Variants in SELP observed in about 807,000 individuals in gnomAD.
The protein encoded by SELP is P-selectin.
SELP carries 92 observed loss-of-function variants against 104.1 expected under a neutral mutation model. The ratio of observed to expected loss-of-function variants is 0.88; its 90% confidence interval spans 0.75 to 1.05. SELP has a LOEUF of 1.05. SELP is among the 50% of genes least tolerant of loss of function. The pLI is 0.00. For missense variants in SELP, 1,022 were observed against 1,017.3 expected (o/e 1.00, Z -0.06); for synonymous variants, 397 against 364.5 (o/e 1.09, Z -1.01).
intron 14 of SELP, 71 bp downstream of exon 14, chr1:169,593,534 C>A: frequency 6.9e-7 from 1 of 1,454,808 alleles, no homozygotes; most frequent in South Asian, 1.2e-5. Context: ...CCTCCCCACC[C>A]TAAATTACAT....
rs762216780 is a variant in SELP at position 169,590,190 on chromosome 1, T to G, written c.2451A>C (p.Thr817=). 84 of 1,612,882 alleles carry G rather than the reference T, an allele frequency of 5.2e-5. No individual in the cohort carries two copies. The South Asian group carries it at 8.6e-4, about 16-fold the overall frequency. The change falls in exon 16 of 17, where the codon ACA becomes ACC. Residue 817 remains threonine (T), a synonymous_variant. Coordinates refer to ENST00000263686, the MANE Select transcript of SELP (RefSeq NM_003005.4). ...ATGCAGCGTTTGTAAAAACTCCATA[T>G]GTTCCTAGGTGGCTAAAGAACAGAA... ...CPLNPHSHLG[T]YGVFTNAAFD... is the part of the protein sequence containing the mutation.
Position 169,603,287 on chromosome 1 carries a change from CTCTT to C in SELP, c.1520-80_1520-77del, listed in dbSNP as rs1206791836. 2.5e-4 allele frequency: 315 copies of C among 1,258,082 alleles called. 1 individual carries two copies. The African/African-American group carries it at 3.9e-3, about 16-fold the overall frequency. The allele number at this position is 1,258,082 out of a possible 1,614,324, so 77.9% of individuals were successfully genotyped here. A position where few individuals can be genotyped will look rare whatever the true frequency, so the allele number is the denominator to read the frequency against. On this transcript the variant is annotated intron_variant, in intron 9 of 16. Transcript: ENST00000263686. ...CAACCTGAACTCTGTAACTCTCTCT[CTCTT>C]TCTCCCTCTCTCTCTCTGTGTGTGT...
intron 10 of SELP, among the ~76,000 whole-genome samples, chr1:169,601,190 T>G (rs1661893681): frequency 6.6e-6 from 1 of 152,138 alleles, no homozygotes; most frequent in African/African-American, 2.4e-5. Context: ...AATGAATGAG[T>G]GAAAAACCAC....
At chr1:169,617,508 C>A in intron 2 of SELP, 94 bp from the exon 3 acceptor site, 1 of 1,291,332 alleles carries the variant, frequency 7.7e-7, no homozygotes, top group South Asian at 1.4e-5. Context: ...GATGAATTTC[C>A]GACCAGAACA....
intron 14 of SELP, 31 bp from the exon 15 acceptor site, chr1:169,591,487 A>T: frequency 7.1e-7 from 1 of 1,414,322 alleles, no homozygotes; most frequent in Non-Finnish European, 9.7e-7. Flanking sequence ...AGAATGAATG[A>T]TTAAAAAAAA....
At chr1:169,619,037 C>G (rs1458951506) in intron 2 of SELP, 92 bp downstream of exon 2, 3 of 1,049,518 alleles carry the variant, frequency 2.9e-6, no homozygotes, top group Non-Finnish European at 4.2e-6. Flanking sequence ...ATGCCTCAAA[C>G]CAACTGGCTA....
rs768279397 is a variant in SELP at position 169,617,270 on chromosome 1, T to C, written c.239A>G (p.Asn80Ser). The C allele has an allele frequency of 8.1e-6, 13 of 1,614,076 alleles. 1 individual carries two copies. Among genetic ancestry groups the C allele is most frequent in the African/African-American group, 2.7e-5 (2 of 74,932 alleles). ...GGAGCTGTAGTAGGGTAGGACCTTA[T>C]TGAGGTAATCAATTTCATTTTTATT... ...IQNKNEIDYLNKVLPYYSSYY... is the reference protein window; with the variant it reads ...IQNKNEIDYLSKVLPYYSSYY... The change falls in exon 3 of 17, where the codon AAT becomes AGT. Residue 80 changes from asparagine (N) to serine (S), a missense_variant. Physicochemically the swap from Asn to Ser is conservative, Grantham distance 46 (BLOSUM62 1). Coordinates refer to ENST00000263686, the MANE Select transcript of SELP (RefSeq NM_003005.4).
At chr1:169,597,208 C>T (rs1476322963) in intron 10 of SELP, 32 bp from the exon 11 acceptor site, 11 of 1,518,858 alleles carry the variant, frequency 7.2e-6, no homozygotes, top group Admixed American at 2.1e-5. Flanking sequence ...GTCACAATCT[C>T]CAAGTTTATT....
chr1:169,614,837 G>A (rs113347862), intron 3 of SELP, among the ~76,000 whole-genome samples: 1 of 152,206 alleles, frequency 6.6e-6, no homozygotes, highest in East Asian at 1.9e-4. Context: ...GGAGGCAATA[G>A]CAGCTAAATG....
At chr1:169,591,661 C>T in intron 14 of SELP, 1 of 400,418 alleles carries the variant, frequency 2.5e-6, no homozygotes, top group Non-Finnish European at 4.5e-6. Flanking sequence ...TATTTAACTC[C>T]AGAGTCCTGT....
chr1:169,599,578 ATC>A (rs1661799486), intron 10 of SELP, among the ~76,000 whole-genome samples: 1 of 152,210 alleles, frequency 6.6e-6, no homozygotes, highest in Admixed American at 6.5e-5. Flanking sequence ...TTAGTAAATT[ATC>A]TGTTTCCTTT....
At position 169,613,637 on chromosome 1, in the gene SELP, T is replaced by C; in HGVS notation, c.538A>G (p.Asn180Asp). Reference sequence around the variant, plus strand: ...CCAGGGTAACAGGAGCAGGTGTAGTTCCCGATGGTCTCGAGGCACTCTCCT... The same window carrying C: ...CCAGGGTAACAGGAGCAGGTGTAGTCCCCGATGGTCTCGAGGCACTCTCCT... Reference protein sequence around the residue: ...KQGECLETIGNYTCSCYPGFY... With the variant: ...KQGECLETIGDYTCSCYPGFY... Residue 180 changes from asparagine to aspartate, a missense_variant, in exon 4 of 17, where the codon AAC becomes GAC. Asn to Asp is a conservative substitution (Grantham distance 23, BLOSUM62 1). Coordinates refer to ENST00000263686, the MANE Select transcript of SELP (RefSeq NM_003005.4). The C allele has an allele frequency of 6.2e-7, 1 of 1,614,038 alleles. No individual in the cohort carries two copies. Among genetic ancestry groups the C allele is most frequent in the Non-Finnish European group, 8.5e-7 (1 of 1,179,920 alleles).
chr1:169,590,098 T>A (rs761144691), intron 16 of SELP, 49 bp downstream of exon 16: 1 of 1,259,888 alleles, frequency 7.9e-7, no homozygotes, highest in Non-Finnish European at 1.2e-6. Flanking sequence ...GTCTTCCATT[T>A]TTCCCTAGTG....
chr1:169,590,900 A>G (rs943545911), intron 15 of SELP, among the ~76,000 whole-genome samples: 3 of 152,242 alleles, frequency 2.0e-5, no homozygotes, highest in Non-Finnish European at 4.4e-5. Context: ...CAGGTTAAAA[A>G]TCTCTGAGCC....
Position 169,617,048 on chromosome 1 carries a change from T to C in SELP, c.461A>G (p.Lys154Arg), listed in dbSNP as rs930394722. The C allele has an allele frequency of 6.8e-6, 11 of 1,611,756 alleles. No homozygotes were observed. Among genetic ancestry groups the C allele is most frequent in the African/African-American group, 1.3e-5 (1 of 74,788 alleles). Residue 154 changes from lysine to arginine, a missense_variant, in exon 3 of 17, where the codon AAG (lysine) becomes AGG (arginine). Physicochemically the swap from Lys to Arg is conservative, Grantham distance 26. Transcript: ENST00000263686. ...KWNDEHCLKK[K>R]HALCYTASCQ... ...CCTACCTGTGTAACACAATGCGTGC[T>C]TTTTCTTCAAGCAGTGCTCATCATT...
At chr1:169,608,082 A>G (rs941145083) in intron 8 of SELP, among the ~76,000 whole-genome samples, 3 of 151,646 alleles carry the variant, frequency 2.0e-5, no homozygotes, top group Non-Finnish European at 4.4e-5. Flanking sequence ...AATACATTCC[A>G]TAACTCAGAC....
chr1:169,620,795 T>TTGTGTGTGTG lies in SELP; in HGVS notation c.4-1586_4-1577dup, dbSNP rs779947394. ...GTAGGGTGCATGGGACGGTGTGGGGTTGTGTGTGTGTGTGTGTGTGTGTGT... is the reference window on the plus strand; with the variant it reads ...GTAGGGTGCATGGGACGGTGTGGGGTTGTGTGTGTGTGTGTGTGTGTGTGTGTGTGTGTGT... On this transcript the variant is annotated intron_variant, in intron 1 of 16. Coordinates refer to ENST00000263686, the MANE Select transcript of SELP (RefSeq NM_003005.4). Among the ~76,000 whole-genome samples the TTGTGTGTGTG allele has an allele frequency of 7.3e-3, 811 of 110,866 alleles. 12 individuals carry two copies. The highest frequency in any genetic ancestry group is 0.016 in the Middle Eastern group (3 of 186). The allele number at this position is 110,866 out of a possible 152,430, so 72.7% of individuals were successfully genotyped here. A position where few individuals can be genotyped will look rare whatever the true frequency, so the allele number is the denominator to read the frequency against.
In SELP at chr1:169,617,050, T is replaced by A; in HGVS notation, c.459A>T (p.Lys153Asn). The A allele has an allele frequency of 6.2e-7, 1 of 1,612,112 alleles. No homozygotes were observed. Among genetic ancestry groups the A allele is most frequent in the South Asian group, 1.1e-5 (1 of 90,968 alleles). The change falls in exon 3 of 17, where the codon AAA becomes AAT. Residue 153 changes from lysine (K) to asparagine (N), a missense_variant. Physicochemically the swap from Lys to Asn is moderately conservative, Grantham distance 94. Coordinates refer to ENST00000263686, the MANE Select transcript of SELP (RefSeq NM_003005.4). ...TACCTGTGTAACACAATGCGTGCTT[T>A]TTCTTCAAGCAGTGCTCATCATTCC... ...GKWNDEHCLK[K>N]KHALCYTASC...
Position 169,617,029 on chromosome 1 carries a change from T to C in SELP, c.480A>G (p.Thr160=). 1 of 1,592,822 alleles carries C rather than the reference T, an allele frequency of 6.3e-7. No individual in the cohort carries two copies. The change falls in exon 3 of 17, where the codon ACA becomes ACG. Residue 160 remains threonine (T), a splice_region_variant and synonymous_variant. Transcript: ENST00000263686. ...GTTTCAAAGTAGAGAAGGCCCTACC[T>C]GTGTAACACAATGCGTGCTTTTTCT... The part of the protein sequence containing the change: ...CLKKKHALCY[T]ASCQDMSCSK...
Sources: allele counts gnomAD v4.1 joint callset (sites outside exome capture counted in the v4.1 genomes callset), GRCh38; gene constraint gnomAD v4.1.1; transcripts MANE v1.5; gene names NCBI Gene and HGNC (gene_info 2026-07-23, HGNC 2026-07-21).